ZMIZ2: variants seen among roughly 807,000 people sequenced by gnomAD.
ZMIZ2 encodes the protein zinc finger MIZ-type containing 2.
In ZMIZ2, 26 loss-of-function variants were observed where a neutral mutation model predicts 93.9. The ratio of observed to expected loss-of-function variants is 0.28; its 90% CI spans 0.20 to 0.38. The LOEUF (loss-of-function observed/expected upper bound fraction) is 0.38, where lower values mean the gene tolerates loss of function less well. Among genes scored for constraint, ZMIZ2 ranks in the 10% least tolerant of loss-of-function variants. The probability of loss-of-function intolerance (pLI) is 1.00; values close to 1 mark genes in which losing one functional copy is unlikely to be tolerated. For missense variants in ZMIZ2, 1,023 were observed against 1,235.0 expected (o/e 0.83, Z 2.57); for synonymous variants, 485 against 516.4 (o/e 0.94, Z 0.82).
rs781667706 is a variant in ZMIZ2, at chr7:44,765,500, C to A, written c.2163C>A (p.Ala721=). Residue 721 remains alanine (A), a synonymous_variant, in exon 16 of 19, where the codon GCC becomes GCA. Coordinates refer to ENST00000309315, the MANE Select transcript of ZMIZ2 (RefSeq NM_031449.4). The surrounding 1 kb of genome is among the most constrained non-coding windows in gnomAD (Gnocchi z 4.1). ...VLMPSVMEMI[A]ALGPGAAPFA... is the part of the protein sequence containing the mutation. ...TGCCCAGCGTGATGGAGATGATCGC[C>A]GCCCTGGGCCCCGGCGCTGCCCCCT... 2 of 1,599,194 alleles carry A rather than the reference C, an allele frequency of 1.3e-6. No individual in the cohort carries two copies. Among genetic ancestry groups the A allele is most frequent in the Admixed American group, 1.7e-5 (1 of 59,916 alleles).
Position 44,757,839 on chromosome 7 carries a change from T to C in ZMIZ2, c.553-9T>C. On this transcript the variant is annotated splice_polypyrimidine_tract_variant and intron_variant, in intron 5 of 18. Transcript: ENST00000309315. ...GGACCTGGACCATTCTTCTTTTTTC[T>C]CTTCCTAGATGGGGGCCGGACAGTC... The C allele has an allele frequency of 6.5e-7, 1 of 1,539,012 alleles. No individual in the cohort carries two copies. The highest frequency in any genetic ancestry group is 2.3e-5 in the East Asian group (1 of 43,920).
At chr7:44,759,504 G>C (rs920048395) in intron 7 of ZMIZ2, 44 bp downstream of exon 7, 3 of 1,380,044 alleles carry the variant, frequency 2.2e-6, no homozygotes, top group Non-Finnish European at 1.9e-6. Context: ...TCCGTGCTGA[G>C]TGCTGTGGGA....
Position 44,769,855 on chromosome 7 carries a change from G to C in ZMIZ2, c.*2232G>C, listed in dbSNP as rs1792021145. On this transcript the variant is annotated 3_prime_UTR_variant, in exon 19 of 19. Transcript: ENST00000309315. ...AGCAAGACAGTTCATACAGTATGAT[G>C]CCATTTTTATAAAGCTCAAAACCAA... is the stretch of plus-strand genomic sequence containing the variant. 1 of 152,290 alleles carries C rather than the reference G, an allele frequency of 6.6e-6. No individual in the cohort carries two copies. The highest frequency in any genetic ancestry group is 2.4e-5 in the African/African-American group (1 of 41,454). The allele number at this position is 152,290 out of a possible 1,614,324, so 9.4% of individuals were successfully genotyped here.
At chr7:44,764,553 C>T (rs1410835922) in intron 14 of ZMIZ2, 67 bp downstream of exon 14, 4 of 1,528,916 alleles carry the variant, frequency 2.6e-6, no homozygotes, top group Non-Finnish European at 3.6e-6. Flanking sequence ...ATGGGTGAAA[C>T]CTCCAACAGC....
intron 3 of ZMIZ2, 28 bp downstream of exon 3, chr7:44,756,567 G>C: frequency 1.9e-6 from 3 of 1,609,772 alleles, no homozygotes; most frequent in Non-Finnish European, 2.5e-6. Context: ...CCCCACCCCC[G>C]AGCAGACAGA....
chr7:44,752,409 C>T (rs1217928598), intron 1 of ZMIZ2, among the ~76,000 whole-genome samples: 1 of 152,118 alleles, frequency 6.6e-6, no homozygotes, highest in Non-Finnish European at 1.5e-5. Context: ...TCCCAAAGTG[C>T]TGGGATTACA....
chr7:44,763,605 T>C lies in ZMIZ2; in HGVS notation c.1860+192T>C. The C allele has an allele frequency of 1.4e-6, 1 of 690,130 alleles. No individual in the cohort carries two copies. The highest frequency in any genetic ancestry group is 2.3e-6 in the Non-Finnish European group (1 of 433,360). 42.8% of individuals were successfully genotyped at this position (690,130 alleles called of 1,614,324 possible). ...AGACTAGGCTATTTTTTCTTCCAAATATAATTGTCATTTTACTAACTTTTT... is the reference window on the plus strand; with the variant it reads ...AGACTAGGCTATTTTTTCTTCCAAACATAATTGTCATTTTACTAACTTTTT... On this transcript the variant is annotated intron_variant, in intron 13 of 18. Coordinates refer to ENST00000309315, the MANE Select transcript of ZMIZ2 (RefSeq NM_031449.4). This position sits in a 1 kb window ranked among gnomAD's most constrained non-coding sequence, Gnocchi z 5.6.
intron 11 of ZMIZ2, among the ~76,000 whole-genome samples, chr7:44,762,581 G>A (rs138029347): frequency 6.6e-6 from 1 of 152,348 alleles, no homozygotes; most frequent in Non-Finnish European, 1.5e-5. Flanking sequence ...GGGACTTGAG[G>A]TGATTCTCTT....
chr7:44,753,433 C>T (rs952768339), intron 1 of ZMIZ2, among the ~76,000 whole-genome samples: 2 of 151,938 alleles, frequency 1.3e-5, no homozygotes, highest in Admixed American at 6.6e-5. Flanking sequence ...CTTGAGGAGT[C>T]GGGGGTCTCA....
intron 1 of ZMIZ2, among the ~76,000 whole-genome samples, chr7:44,754,677 A>C (rs1051352315): frequency 6.6e-6 from 1 of 152,002 alleles, no homozygotes; most frequent in East Asian, 1.9e-4. Context: ...ATGCGGGGCC[A>C]CCCTCTCCTG....
chr7:44,762,800 C>A, intron 11 of ZMIZ2, 81 bp from the exon 12 acceptor site: 1 of 1,086,594 alleles, frequency 9.2e-7, no homozygotes, highest in Non-Finnish European at 1.2e-6. Flanking sequence ...CCCTGACACA[C>A]AACCCCCAGC....
At chr7:44,767,386 G>C (rs977904565) in intron 18 of ZMIZ2, 130 bp from the exon 19 acceptor site, 1 of 814,180 alleles carries the variant, frequency 1.2e-6, no homozygotes. Flanking sequence ...CACCCGGCCT[G>C]TGTGTGAGGA....
chr7:44,750,622 CAGG>C (rs2116584730), intron 1 of ZMIZ2, among the ~76,000 whole-genome samples: 1 of 152,250 alleles, frequency 6.6e-6, no homozygotes, highest in East Asian at 1.9e-4. Flanking sequence ...GAACAAGGCT[CAGG>C]AGGTCAACCA....
chr7:44,749,266 C>T (rs1322893530), intron 1 of ZMIZ2, among the ~76,000 whole-genome samples: 2 of 152,210 alleles, frequency 1.3e-5, no homozygotes, highest in Admixed American at 1.3e-4. Context: ...GGTCATCCAG[C>T]CCTCCCCTGA....
In ZMIZ2 at chr7:44,765,407, C is replaced by T; in HGVS notation, c.2070C>T (p.His690=). The change falls in exon 16 of 19, where the codon CAC becomes CAT. Residue 690 remains histidine, a synonymous_variant. Coordinates refer to ENST00000309315, the MANE Select transcript of ZMIZ2 (RefSeq NM_031449.4). The surrounding 1 kb of genome is among the most constrained non-coding windows in gnomAD (Gnocchi z 4.1). ...CAGTGCCCGTGAAGCCTGACATGCA[C>T]ATCAAGGAGGAGCCGGATGGGCCAG... ...WKPVPVKPDM[H]IKEEPDGPAL... is the part of the protein sequence containing the mutation. The T allele has an allele frequency of 6.2e-7, 1 of 1,612,792 alleles. No individual in the cohort carries two copies. Among genetic ancestry groups the T allele is most frequent in the East Asian group, 2.2e-5 (1 of 44,874 alleles).
chr7:44,763,057 C>T lies in ZMIZ2; in HGVS notation c.1702+71C>T, dbSNP rs1289517702. Reference sequence around the variant, plus strand: ...TGTGTGGCCCAAGCCCAACAATCCTCCTTGTGGGCACCTCCTCGTGTCACA... The same window carrying T: ...TGTGTGGCCCAAGCCCAACAATCCTTCTTGTGGGCACCTCCTCGTGTCACA... On this transcript the variant is annotated intron_variant, in intron 12 of 18. Transcript: ENST00000309315. This position sits in a 1 kb window ranked among gnomAD's most constrained non-coding sequence, Gnocchi z 5.6. The T allele has an allele frequency of 4.0e-6, 6 of 1,504,794 alleles. No homozygotes were observed. In the African/African-American group the frequency reaches 8.3e-5, roughly 21 times the overall value. The allele number at this position is 1,504,794 out of a possible 1,614,324, so 93.2% of individuals were successfully genotyped here.
Position 44,765,959 on chromosome 7 carries a change from A to G in ZMIZ2, c.2243-205A>G, listed in dbSNP as rs1791669058. ...CATTCCTATAACCTCCGAGACCTTC[A>G]CTCCTAGGAATGTCCCAAGGCCAAT... On this transcript the variant is annotated intron_variant, in intron 16 of 18. Transcript: ENST00000309315. This position sits in a 1 kb window ranked among gnomAD's most constrained non-coding sequence, Gnocchi z 4.1. 1.4e-6 allele frequency: 2 copies of G among 1,399,078 alleles called. No homozygotes were observed. The highest frequency in any genetic ancestry group is 1.7e-5 in the South Asian group (1 of 58,758). The allele number at this position is 1,399,078 out of a possible 1,614,324, so 86.7% of individuals were successfully genotyped here. A position where few individuals can be genotyped will look rare whatever the true frequency, so the allele number is the denominator to read the frequency against.
intron 1 of ZMIZ2, among the ~76,000 whole-genome samples, chr7:44,754,709 G>A (rs187641869): frequency 6.6e-6 from 1 of 152,298 alleles, no homozygotes; most frequent in Admixed American, 6.5e-5. Flanking sequence ...GGCCATGTGA[G>A]TGCTGCGATG....
chr7:44,762,187 CTT>C (rs781395683), intron 11 of ZMIZ2, among the ~76,000 whole-genome samples: 52 of 152,252 alleles, frequency 3.4e-4, no homozygotes, highest in Non-Finnish European at 5.7e-4. Flanking sequence ...CGTTGCTTCT[CTT>C]TGTTACTGCC....
Sources: gnomAD v4.1 joint callset for allele counts (sites outside exome capture counted in the v4.1 genomes callset) on GRCh38, gnomAD v4.1.1 for gene constraint, Gnocchi (gnomAD v3.1) non-coding constraint, MANE v1.5 for transcripts, NCBI Gene and HGNC (gene_info 2026-07-23, HGNC 2026-07-21) for gene names.